Variants in KIFC3 observed in about 807,000 individuals in gnomAD.
KIFC3 encodes the protein kinesin family member C3.
Under a neutral mutation model 101.8 loss-of-function variants are expected in KIFC3, and 60 were observed. That is an observed-to-expected ratio of 0.59 (90% CI 0.48 to 0.73). The LOEUF (loss-of-function observed/expected upper bound fraction) is 0.73. KIFC3 is among the 30% of genes least tolerant of loss of function. KIFC3 has a pLI of 0.00. For missense variants in KIFC3, 966 were observed against 1,137.1 expected (o/e 0.85, Z 2.16); for synonymous variants, 476 against 482.7 (o/e 0.99, Z 0.18).
intron 3 of KIFC3, among the ~76,000 whole-genome samples, chr16:57,784,859 C>G (rs1489076883): frequency 6.6e-6 from 1 of 151,960 alleles, no homozygotes; most frequent in South Asian, 2.1e-4. Flanking sequence ...CCCCATGGGA[C>G]GTGCAGCTCA....
intron 1 of KIFC3, among the ~76,000 whole-genome samples, chr16:57,841,238 G>A (rs1444643814): frequency 6.6e-6 from 1 of 152,212 alleles, no homozygotes; most frequent in Non-Finnish European, 1.5e-5. Flanking sequence ...CTTGAAGTAG[G>A]GAGTTGTAAT....
chr16:57,761,659 G>T, intron 13 of KIFC3, 123 bp from the exon 14 acceptor site: 1 of 1,081,580 alleles, frequency 9.2e-7, no homozygotes. Flanking sequence ...CATCAGCTGA[G>T]TGCATCTCTC....
At chr16:57,851,162 C>A (rs1240467631) in intron 1 of KIFC3, among the ~76,000 whole-genome samples, 2 of 152,118 alleles carry the variant, frequency 1.3e-5, no homozygotes, top group African/African-American at 4.8e-5. Flanking sequence ...AGGAGTGTGT[C>A]ACCACACCCG....
chr16:57,795,220 C>A (rs1555622208), intron 2 of KIFC3, 79 bp from the exon 3 acceptor site: 9 of 1,510,146 alleles, frequency 6.0e-6, no homozygotes, highest in Middle Eastern at 3.5e-4. Context: ...TGGCCAGGGC[C>A]GCAGCTGAGC....
chr16:57,774,473 G>A (rs1015156797), intron 3 of KIFC3, among the ~76,000 whole-genome samples: 1 of 151,984 alleles, frequency 6.6e-6, no homozygotes, highest in Admixed American at 6.6e-5. Context: ...AAAAGTGGGG[G>A]TCTCTGGGCT....
intron 1 of KIFC3, among the ~76,000 whole-genome samples, chr16:57,860,281 C>T (rs8054624): frequency 0.088 from 13,311 of 151,814 alleles, 696 homozygotes; most frequent in South Asian, 0.12. Context: ...TGGTGAAACC[C>T]CGTCTCTACT....
chr16:57,762,349 T>C, intron 12 of KIFC3, 79 bp from the exon 13 acceptor site: 1 of 1,362,852 alleles, frequency 7.3e-7, no homozygotes, highest in Non-Finnish European at 9.6e-7. Context: ...CCAAAGCCCC[T>C]TGACTACCCC....
intron 1 of KIFC3, among the ~76,000 whole-genome samples, chr16:57,817,615 G>A (rs1425783532): frequency 6.6e-6 from 1 of 152,036 alleles, no homozygotes; most frequent in Non-Finnish European, 1.5e-5. Context: ...CTGTCTCTGT[G>A]TCCAAATCTC....
intron 3 of KIFC3, among the ~76,000 whole-genome samples, chr16:57,790,529 T>C (rs2053783661): frequency 6.6e-6 from 1 of 152,110 alleles, no homozygotes; most frequent in African/African-American, 2.4e-5. Context: ...AAACACGTAG[T>C]CTAGAGGCGG....
chr16:57,759,815 G>A lies in KIFC3; in HGVS notation c.2389C>T (p.Pro797Ser). 1 of 1,609,690 alleles carries A rather than the reference G, an allele frequency of 6.2e-7. No individual in the cohort carries two copies. The highest frequency in any genetic ancestry group is 1.7e-4 in the Middle Eastern group (1 of 6,036). The change falls in exon 18 of 20, where the codon CCA becomes TCA. Residue 797 changes from proline to serine, a missense_variant. By Grantham distance (74) the Pro-to-Ser change is moderately conservative. Around this residue, in one of 2 missense-constraint regions of KIFC3, gnomAD observed 689 missense variants for 884.6 expected, o/e 0.78. Coordinates refer to ENST00000445690, the MANE Select transcript of KIFC3 (RefSeq NM_001130100.2). ...GAGTGGGCCCGTGCCGAGGGCTGTG[G>A]CGTCTGACAAGCCGGCTCCCACTGT... ...HLEWEPACQT[P>S]QPSARAHSAP...
intron 1 of KIFC3, chr16:57,815,473 T>C: frequency 8.2e-7 from 1 of 1,221,676 alleles, no homozygotes; most frequent in South Asian, 1.4e-5. Flanking sequence ...TACAAGACTC[T>C]GCCCATCACC....
chr16:57,805,931 G>T (rs541050265), upstream of KIFC3, among the ~76,000 whole-genome samples: 2 of 152,164 alleles, frequency 1.3e-5, no homozygotes, highest in East Asian at 3.9e-4. Flanking sequence ...TAGAGACGGG[G>T]TTTTGCCACG....
At chr16:57,824,802 G>C (rs992126037) in intron 1 of KIFC3, among the ~76,000 whole-genome samples, 1 of 152,124 alleles carries the variant, frequency 6.6e-6, no homozygotes, top group Non-Finnish European at 1.5e-5. Flanking sequence ...CTGCACCCCC[G>C]GTACCTTTTT....
chr16:57,815,726 C>G, intron 1 of KIFC3: 1 of 1,154,690 alleles, frequency 8.7e-7, no homozygotes, highest in Non-Finnish European at 1.2e-6. Flanking sequence ...ACTCCCTCAA[C>G]TCCACCCAGC....
At chr16:57,852,478 C>T (rs531280764) in intron 1 of KIFC3, among the ~76,000 whole-genome samples, 123 of 152,300 alleles carry the variant, frequency 8.1e-4, no homozygotes, top group Non-Finnish European at 1.3e-3. Flanking sequence ...CCCTGGGTTT[C>T]GGGTGCGGTG....
chr16:57,775,013 C>T (rs1326176549), intron 3 of KIFC3: 1 of 1,533,748 alleles, frequency 6.5e-7, no homozygotes, highest in Non-Finnish European at 8.7e-7. Flanking sequence ...CTGCCAGGCA[C>T]TCAGACCCTG....
chr16:57,782,041 G>T, intron 3 of KIFC3: 1 of 985,428 alleles, frequency 1.0e-6, no homozygotes, highest in Non-Finnish European at 1.2e-6. Context: ...CCCCCTGGCG[G>T]GCTTTGCTTA....
In KIFC3 at chr16:57,764,123, C is replaced by G; in HGVS notation, c.1617+20G>C. Reference sequence around the variant, plus strand: ...CTTCATGCTTCACTGTGAACCCCCACCCCATTGGGCAGCACCCACCTCCAT... The same window carrying G: ...CTTCATGCTTCACTGTGAACCCCCAGCCCATTGGGCAGCACCCACCTCCAT... On this transcript the variant is annotated intron_variant, in intron 12 of 19. Transcript: ENST00000445690. 9.5e-6 allele frequency: 15 copies of G among 1,570,992 alleles called. No homozygotes were observed. Among genetic ancestry groups the G allele is most frequent in the Non-Finnish European group, 1.2e-5 (14 of 1,143,420 alleles).
intron 1 of KIFC3, among the ~76,000 whole-genome samples, chr16:57,839,065 C>T (rs540397822): frequency 4.6e-5 from 7 of 151,990 alleles, no homozygotes; most frequent in African/African-American, 1.2e-4. Flanking sequence ...CAGTGGCTCA[C>T]GCCTGTAACA....
Sources: gnomAD v4.1 joint callset for allele counts (sites outside exome capture counted in the v4.1 genomes callset) on GRCh38, gnomAD v4.1.1 for gene constraint, gnomAD v4.1.1 regional missense constraint, MANE v1.5 for transcripts, NCBI Gene and HGNC (gene_info 2026-07-23, HGNC 2026-07-21) for gene names.